The following CCDC93 variants were observed in gnomAD, a reference collection of about 807,000 sequenced individuals.
CCDC93 encodes CCC complex scaffolding subunit CCDC93, also known as coiled-coil domain-containing protein 93.
CCDC93 carries 61 observed loss-of-function variants against 108.2 expected under a neutral mutation model. The observed-to-expected ratio is 0.56, with a 90% confidence interval of 0.46 to 0.70. CCDC93 has a LOEUF of 0.70. Among genes scored for constraint, CCDC93 ranks in the 30% least tolerant of loss-of-function variants. The pLI is 0.00. For synonymous variants in CCDC93, 276 were observed against 260.4 expected, an observed-to-expected ratio of 1.06 and a Z score of -0.58; for missense variants, 685 against 764.2, an observed-to-expected ratio of 0.90 and a Z score of 1.22.
At chr2:118,006,881 G>A (rs768852453) in intron 2 of CCDC93, 65 bp from the exon 3 acceptor site, 6 of 957,968 alleles carry the variant, frequency 6.3e-6, no homozygotes, top group Middle Eastern at 2.5e-4. Flanking sequence ...AGAAGTGGAA[G>A]GTAGATGGAT....
intron 8 of CCDC93, among the ~76,000 whole-genome samples, chr2:117,976,998 C>T (rs1382961752): frequency 7.4e-5 from 11 of 148,946 alleles, no homozygotes; most frequent in African/African-American, 1.5e-4. Flanking sequence ...TGCAGTGGCG[C>T]GATCTTGGCT....
intron 3 of CCDC93, among the ~76,000 whole-genome samples, chr2:118,003,209 C>A (rs1195263434): frequency 6.6e-6 from 1 of 152,174 alleles, no homozygotes; most frequent in Non-Finnish European, 1.5e-5. Context: ...TCCAGGTCTG[C>A]TTGGGACTCA....
At chr2:117,962,371 C>T (rs1247561609) in intron 11 of CCDC93, among the ~76,000 whole-genome samples, 1 of 152,200 alleles carries the variant, frequency 6.6e-6, no homozygotes, top group Non-Finnish European at 1.5e-5. Context: ...AGGCTGGGCG[C>T]AGTGGCTCGC....
intron 11 of CCDC93, among the ~76,000 whole-genome samples, chr2:117,966,537 G>C (rs911005912): frequency 6.6e-6 from 1 of 152,242 alleles, no homozygotes; most frequent in East Asian, 1.9e-4. Flanking sequence ...AAAGGCAAAG[G>C]GTCCAACTTA....
intron 16 of CCDC93, 55 bp downstream of exon 16, chr2:117,946,754 CTA>C: frequency 7.9e-7 from 1 of 1,258,996 alleles, no homozygotes; most frequent in South Asian, 1.2e-5. Flanking sequence ...TCCTCTAGAA[CTA>C]TCTTTTTCCC....
At position 117,995,425 on chromosome 2, in the gene CCDC93, G is replaced by A. The variant is rs570706993; in HGVS notation, c.519+21C>T. ...GAGGCTACGCAGGACTCTGACAGAA[G>A]AATACGGCCAGGGGACTTACTGAGA... On this transcript the variant is annotated intron_variant, in intron 6 of 23. Coordinates refer to ENST00000376300, the MANE Select transcript of CCDC93 (RefSeq NM_019044.5). 19 of 1,594,588 alleles carry A rather than the reference G, an allele frequency of 1.2e-5. No individual in the cohort carries two copies. The South Asian group carries it at 2.0e-4, about 17-fold the overall frequency.
In CCDC93 at chr2:117,946,797, T is replaced by C; in HGVS notation, c.1296+14A>G. ...AGCACCTGAGAGTCTCAAGGACTAA[T>C]TCAGAGCCTTTACCTTTTCATCTCC... On this transcript the variant is annotated intron_variant, in intron 16 of 23. Transcript: ENST00000376300. 1.3e-6 allele frequency: 2 copies of C among 1,598,720 alleles called. No homozygotes were observed. The highest frequency in any genetic ancestry group is 1.7e-6 in the Non-Finnish European group (2 of 1,165,904).
chr2:117,954,990 A>C (rs1679171817), intron 12 of CCDC93, among the ~76,000 whole-genome samples: 1 of 152,156 alleles, frequency 6.6e-6, no homozygotes, highest in South Asian at 2.1e-4. Context: ...CTACCCATGC[A>C]AAACTGTGAG....
intron 6 of CCDC93, among the ~76,000 whole-genome samples, chr2:117,992,797 TGTTTG>T (rs1408857134): frequency 6.8e-4 from 1 of 1,472 alleles, no homozygotes; most frequent in East Asian, 0.12. Context: ...CCCAGAACAA[TGTTTG>T]GGGCACTATG....
intron 23 of CCDC93, among the ~76,000 whole-genome samples, chr2:117,930,036 T>C (rs767917585): frequency 5.9e-5 from 9 of 152,190 alleles, no homozygotes; most frequent in Admixed American, 2.0e-4. Context: ...CCCAGGGGTA[T>C]AGTAGGAGCT....
intron 7 of CCDC93, among the ~76,000 whole-genome samples, chr2:117,983,630 TTATATATATATATATATATA>T (rs66879401): frequency 6.1e-5 from 6 of 98,570 alleles, no homozygotes; most frequent in African/African-American, 1.9e-4. Flanking sequence ...CTGCTCAAAA[TTATATATATATATATATATA>T]TATATATATA....
At chr2:118,000,773 C>T (rs755895425) in intron 4 of CCDC93, 48 bp downstream of exon 4, 3 of 1,246,644 alleles carry the variant, frequency 2.4e-6, no homozygotes, top group Non-Finnish European at 3.5e-6. Context: ...AGGCCCATCA[C>T]AGGAATTCTG....
intron 12 of CCDC93, among the ~76,000 whole-genome samples, chr2:117,953,447 T>A (rs1406781140): frequency 6.6e-6 from 1 of 152,294 alleles, no homozygotes; most frequent in Non-Finnish European, 1.5e-5. Flanking sequence ...CAATGACAAC[T>A]TTTATTAGTC....
rs1330026478 is a variant in CCDC93, at chr2:117,919,334, T to A, written c.*1009A>T. 4.6e-5 allele frequency: 7 copies of A among 152,186 alleles called. No homozygotes were observed. The highest frequency in any genetic ancestry group is 1.0e-4 in the Non-Finnish European group (7 of 68,054). 9.4% of individuals were successfully genotyped at this position (152,186 alleles called of 1,614,324 possible). A position where few individuals can be genotyped will look rare whatever the true frequency, so the allele number is the denominator to read the frequency against. ...GTTTTTAATCATAGTGTATTTTCAT[T>A]TAAAACAGTCTTCCTATCAACATCC... On this transcript the variant is annotated 3_prime_UTR_variant, in exon 24 of 24. Coordinates refer to ENST00000376300, the MANE Select transcript of CCDC93 (RefSeq NM_019044.5).
intron 1 of CCDC93, among the ~76,000 whole-genome samples, chr2:118,012,063 T>C (rs377062793): frequency 2.0e-5 from 3 of 152,250 alleles, no homozygotes; most frequent in South Asian, 4.2e-4. Context: ...TCCACTATAG[T>C]TGTTGTAAGC....
At chr2:117,990,335 A>T (rs1680439489) in intron 6 of CCDC93, among the ~76,000 whole-genome samples, 1 of 152,230 alleles carries the variant, frequency 6.6e-6, no homozygotes. Context: ...GCAGCCAGCT[A>T]TTCTGTGCAA....
intron 6 of CCDC93, among the ~76,000 whole-genome samples, chr2:117,992,953 T>A (rs1680522842): frequency 6.6e-6 from 1 of 151,900 alleles, no homozygotes. Context: ...TCCATAGGCA[T>A]AGAGATGCCA....
chr2:117,916,022 T>C lies in CCDC93; in HGVS notation c.*4321A>G, dbSNP rs1677672188. The C allele has an allele frequency of 1.3e-5, 2 of 152,256 alleles. No homozygotes were observed. The highest frequency in any genetic ancestry group is 2.1e-4 in the South Asian group (1 of 4,834). 9.4% of individuals were successfully genotyped at this position (152,256 alleles called of 1,614,324 possible). On this transcript the variant is annotated 3_prime_UTR_variant, in exon 24 of 24. Transcript: ENST00000376300. Reference sequence around the variant, plus strand: ...ATTACAATGTTTCAACAAAAACTCTTGTACACAAGTACCTTGTACACAGGT... The same window carrying C: ...ATTACAATGTTTCAACAAAAACTCTCGTACACAAGTACCTTGTACACAGGT...
At position 117,936,839 on chromosome 2, in the gene CCDC93, G is replaced by A. The variant is rs1678543244; in HGVS notation, c.1606-100C>T. On this transcript the variant is annotated intron_variant, in intron 20 of 23. Transcript: ENST00000376300. ...TTGCCTGTCTCCACATACTGCTTCTGCAAGGAACACATGCCTTGTTTATGA... is the reference window on the plus strand; with the variant it reads ...TTGCCTGTCTCCACATACTGCTTCTACAAGGAACACATGCCTTGTTTATGA... 3.4e-6 allele frequency: 3 copies of A among 874,286 alleles called. No individual in the cohort carries two copies. The Admixed American group carries it at 5.1e-5, about 15-fold the overall frequency. 54.2% of individuals were successfully genotyped at this position (874,286 alleles called of 1,614,324 possible).
Sources: allele counts gnomAD v4.1 joint callset (sites outside exome capture counted in the v4.1 genomes callset), GRCh38; gene constraint gnomAD v4.1.1; transcripts MANE v1.5; gene names NCBI Gene and HGNC (gene_info 2026-07-23, HGNC 2026-07-21).